The following PCDH7 variants were observed in gnomAD, a reference collection of about 807,000 sequenced individuals.
The protein encoded by PCDH7 is protocadherin 7.
PCDH7 carries 17 observed loss-of-function variants against 58.9 expected under a neutral mutation model. That is an observed-to-expected ratio of 0.29 (90% CI 0.20 to 0.43). PCDH7 has a LOEUF of 0.43. Among genes scored for constraint, PCDH7 ranks in the 20% least tolerant of loss-of-function variants. The pLI, the probability that PCDH7 is intolerant of heterozygous loss-of-function variation, is 1.00. For missense variants in PCDH7, 1,274 were observed against 1,441.0 expected, an observed-to-expected ratio of 0.88 and a Z score of 1.88; for synonymous variants, 664 against 616.4, an observed-to-expected ratio of 1.08 and a Z score of -1.14.
intron 3 of PCDH7, among the ~76,000 whole-genome samples, chr4:31,123,258 G>T (rs1717902510): frequency 6.6e-6 from 1 of 151,774 alleles, no homozygotes; most frequent in Non-Finnish European, 1.5e-5. Context: ...CAGGAAAGAG[G>T]GTATTAAGTA....
intron 3 of PCDH7, among the ~76,000 whole-genome samples, chr4:31,098,193 A>C (rs891994554): frequency 1.3e-5 from 2 of 152,212 alleles, no homozygotes; most frequent in African/African-American, 4.8e-5. Context: ...GGCCAGGGTC[A>C]CTAGTTAAAA....
At position 30,746,072 on chromosome 4, in the gene PCDH7, G is replaced by A. The variant is rs1016708123; in HGVS notation, c.70+21476G>A. Among the ~76,000 whole-genome samples, 22 of 152,040 alleles carry A rather than the reference G, an allele frequency of 1.4e-4. No homozygotes were observed. The South Asian group carries it at 1.9e-3, about 13-fold the overall frequency. On this transcript the variant is annotated intron_variant, in intron 1 of 3. Transcript: ENST00000509759. ...TTGAACTCCTGACCTCAAGTGATCC[G>A]CCTGCCTCAGCCTCCAAAAGTGCTG... is the stretch of plus-strand genomic sequence containing the variant.
At chr4:30,775,056 T>C (rs2109282396) in intron 1 of PCDH7, among the ~76,000 whole-genome samples, 1 of 152,288 alleles carries the variant, frequency 6.6e-6, no homozygotes, top group East Asian at 1.9e-4. Context: ...TTCTGTCTAG[T>C]AAGGGAGTTG....
At chr4:30,867,117 C>T (rs960257064) in intron 1 of PCDH7, among the ~76,000 whole-genome samples, 1 of 151,992 alleles carries the variant, frequency 6.6e-6, no homozygotes, top group African/African-American at 2.4e-5. Context: ...TGGTATGTCA[C>T]CTCAGGCTGT....
At chr4:30,729,172 C>G (rs376625808) in intron 1 of PCDH7, among the ~76,000 whole-genome samples, 1 of 151,722 alleles carries the variant, frequency 6.6e-6, no homozygotes, top group South Asian at 2.1e-4. Flanking sequence ...GACTAGAGTC[C>G]AAGTTATGGA....
At chr4:30,872,056 C>A (rs1735674965) in intron 1 of PCDH7, among the ~76,000 whole-genome samples, 1 of 152,026 alleles carries the variant, frequency 6.6e-6, no homozygotes, top group Non-Finnish European at 1.5e-5. Flanking sequence ...CAAATGAGGT[C>A]ACATTTATAG....
At chr4:30,954,196 A>G (rs1017164796) in intron 3 of PCDH7, among the ~76,000 whole-genome samples, 9 of 152,180 alleles carry the variant, frequency 5.9e-5, no homozygotes, top group Non-Finnish European at 1.5e-5. Context: ...TCTATGCAGA[A>G]TATATGGCCT....
At chr4:31,069,546 A>C (rs557259835) in intron 3 of PCDH7, among the ~76,000 whole-genome samples, 3 of 152,176 alleles carry the variant, frequency 2.0e-5, no homozygotes, top group African/African-American at 7.2e-5. Flanking sequence ...ATAATATTGC[A>C]ATACATTTCC....
chr4:31,087,237 T>G (rs1026120550), intron 3 of PCDH7, among the ~76,000 whole-genome samples: 7 of 152,104 alleles, frequency 4.6e-5, no homozygotes, highest in Non-Finnish European at 8.8e-5. Context: ...ATCAAAATCT[T>G]TTTACTCATT....
At chr4:30,747,794 C>T (rs767647229) in intron 1 of PCDH7, among the ~76,000 whole-genome samples, 9 of 152,154 alleles carry the variant, frequency 5.9e-5, no homozygotes, top group Non-Finnish European at 1.2e-4. Context: ...TCTTAGGGAT[C>T]GATTGTTTTG....
At chr4:31,133,020 T>G (rs2109338419) in intron 3 of PCDH7, among the ~76,000 whole-genome samples, 1 of 152,354 alleles carries the variant, frequency 6.6e-6, no homozygotes, top group South Asian at 2.1e-4. Flanking sequence ...TGTTTTCTTT[T>G]CTTCTAAATA....
intron 1 of PCDH7, among the ~76,000 whole-genome samples, chr4:30,829,796 T>C: frequency 6.6e-6 from 1 of 152,078 alleles, no homozygotes; most frequent in East Asian, 1.9e-4. Flanking sequence ...AGCTTTATCA[T>C]CTTATTGCAC....
downstream of PCDH7, chr4:31,143,619 A>G (rs1720486786): frequency 6.6e-6 from 1 of 152,170 alleles, no homozygotes; most frequent in Admixed American, 6.5e-5. Flanking sequence ...TATGACTTCT[A>G]AAAATTATAT....
chr4:31,105,659 T>A (rs1578809882), intron 3 of PCDH7, among the ~76,000 whole-genome samples: 1 of 152,108 alleles, frequency 6.6e-6, no homozygotes, highest in Non-Finnish European at 1.5e-5. Context: ...GGAGCTATAA[T>A]AAGTATTGTT....
chr4:31,080,320 T>C (rs1454536738), intron 3 of PCDH7, among the ~76,000 whole-genome samples: 1 of 152,146 alleles, frequency 6.6e-6, no homozygotes, highest in Non-Finnish European at 1.5e-5. Flanking sequence ...TGGATCAACC[T>C]TGATTAATCA....
Position 30,723,515 on chromosome 4 carries a change from T to A in PCDH7, c.2093T>A (p.Met698Lys). Residue 698 changes from methionine (M) to lysine (K), a missense_variant, in exon 1 of 2, where the codon ATG becomes AAG. This residue lies in a region of PCDH7 where 731 missense variants were observed against 881.9 expected (regional missense o/e 0.83). Coordinates refer to ENST00000361762, the Ensembl canonical transcript of PCDH7. This position sits in a 1 kb window ranked among gnomAD's most constrained non-coding sequence, Gnocchi z 4.6. ...GACACGGGGACCATTTACTCCACAATGTCTTTTGACCGGGAACATCAGACC... is the reference window on the plus strand; with the variant it reads ...GACACGGGGACCATTTACTCCACAAAGTCTTTTGACCGGGAACATCAGACC... 1 of 1,614,160 alleles carries A rather than the reference T, an allele frequency of 6.2e-7. No individual in the cohort carries two copies. Among genetic ancestry groups the A allele is most frequent in the Non-Finnish European group, 8.5e-7 (1 of 1,180,030 alleles).
intron 3 of PCDH7, among the ~76,000 whole-genome samples, chr4:30,958,493 TAAC>T (rs1429920642): frequency 1.3e-5 from 2 of 151,924 alleles, no homozygotes; most frequent in Non-Finnish European, 1.5e-5. Flanking sequence ...ATTCAAATAA[TAAC>T]ATTAGAAAAT....
chr4:30,946,233 C>T (rs1746658971), intron 2 of PCDH7, among the ~76,000 whole-genome samples: 1 of 152,170 alleles, frequency 6.6e-6, no homozygotes, highest in Admixed American at 6.5e-5. Context: ...ATCTCTTCTC[C>T]TGTATCCTTA....
intron 1 of PCDH7, among the ~76,000 whole-genome samples, chr4:30,838,496 T>A (rs926406258): frequency 2.6e-5 from 4 of 151,506 alleles, no homozygotes; most frequent in Non-Finnish European, 5.9e-5. Context: ...TTTTAAAGGG[T>A]TTTTTTTCCC....
Sources: allele counts gnomAD v4.1 joint callset (sites outside exome capture counted in the v4.1 genomes callset), GRCh38; gene constraint gnomAD v4.1.1; regional missense constraint gnomAD v4.1.1; non-coding constraint Gnocchi (gnomAD v3.1); transcripts MANE v1.5; gene names NCBI Gene and HGNC (gene_info 2026-07-23, HGNC 2026-07-21).